Variants in KLHL14 observed in about 807,000 individuals in gnomAD.
KLHL14 encodes the protein kelch-like protein 14.
In KLHL14, 22 loss-of-function variants were observed where a neutral mutation model predicts 64.3. That is an observed-to-expected ratio of 0.34 (90% CI 0.24 to 0.49). The LOEUF is 0.49. Among genes scored for constraint, KLHL14 ranks in the 20% least tolerant of loss-of-function variants. The probability of loss-of-function intolerance (pLI) is 0.99; values close to 1 mark genes in which losing one functional copy is unlikely to be tolerated. For synonymous variants in KLHL14, 322 were observed against 333.4 expected (o/e 0.97, Z 0.37); for missense variants, 661 against 789.0 (o/e 0.84, Z 1.94).
At chr18:32,734,884 C>T (rs945653535) in intron 3 of KLHL14, among the ~76,000 whole-genome samples, 1 of 150,704 alleles carries the variant, frequency 6.6e-6, no homozygotes, top group African/African-American at 2.4e-5. Context: ...AGATGTTACT[C>T]TGTGTGTGTG....
At position 32,739,631 on chromosome 18, in the gene KLHL14, A is replaced by G. The variant is rs187145780; in HGVS notation, c.1069+2297T>C. ...CAAGATCTTTAAATATGTTCCCATTATAAGAACTTTGCACACACACACACA... is the reference window on the plus strand; with the variant it reads ...CAAGATCTTTAAATATGTTCCCATTGTAAGAACTTTGCACACACACACACA... On this transcript the variant is annotated intron_variant, in intron 3 of 8. Coordinates refer to ENST00000359358, the MANE Select transcript of KLHL14 (RefSeq NM_020805.3). Among the ~76,000 whole-genome samples the G allele has an allele frequency of 6.1e-3, 871 of 143,778 alleles. 7 individuals carry two copies. Among genetic ancestry groups the G allele is most frequent in the African/African-American group, 0.023 (828 of 36,408 alleles). 94.3% of individuals were successfully genotyped at this position (143,778 alleles called of 152,430 possible).
chr18:32,724,921 A>G (rs2050099957), intron 3 of KLHL14, among the ~76,000 whole-genome samples: 1 of 152,180 alleles, frequency 6.6e-6, no homozygotes, highest in African/African-American at 2.4e-5. Flanking sequence ...CCATGTTTGT[A>G]ATGTGTTTGA....
rs555189573 is a variant in KLHL14 at position 32,699,020 on chromosome 18, G to GT, written c.1070-3469dup. ...ACACAGGAAATAGATGTTAGCAATC[G>GT]TAACAAGCTGAATCTCTGCCACAAT... On this transcript the variant is annotated intron_variant, in intron 3 of 8. Coordinates refer to ENST00000359358, the MANE Select transcript of KLHL14 (RefSeq NM_020805.3). Among the ~76,000 whole-genome samples, 160 of 152,218 alleles carry GT rather than the reference G, an allele frequency of 1.1e-3. 1 individual carries two copies. In the Middle Eastern group the frequency reaches 0.024, roughly 23 times the overall value.
intron 3 of KLHL14, among the ~76,000 whole-genome samples, chr18:32,730,898 T>C (rs1420296199): frequency 2.0e-5 from 3 of 152,174 alleles, no homozygotes; most frequent in Non-Finnish European, 2.9e-5. Flanking sequence ...GATTAATAAT[T>C]AGAACACGCT....
At chr18:32,758,750 G>T (rs2050297130) in intron 2 of KLHL14, among the ~76,000 whole-genome samples, 1 of 152,106 alleles carries the variant, frequency 6.6e-6, no homozygotes, top group South Asian at 2.1e-4. Flanking sequence ...ATATTATTCA[G>T]CCATAAAAAT....
At chr18:32,725,815 G>A (rs1040285795) in intron 3 of KLHL14, among the ~76,000 whole-genome samples, 5 of 152,204 alleles carry the variant, frequency 3.3e-5, no homozygotes, top group Non-Finnish European at 7.3e-5. Flanking sequence ...TGTGATTTCT[G>A]GAGTTAGACT....
intron 7 of KLHL14, among the ~76,000 whole-genome samples, chr18:32,678,164 G>A (rs2049820411): frequency 6.6e-6 from 1 of 152,088 alleles, no homozygotes; most frequent in African/African-American, 2.4e-5. Context: ...TAAGTTCCTG[G>A]TCTCTACTGG....
At chr18:32,711,855 C>A (rs944407670) in intron 3 of KLHL14, among the ~76,000 whole-genome samples, 2 of 152,184 alleles carry the variant, frequency 1.3e-5, no homozygotes, top group Non-Finnish European at 2.9e-5. Context: ...ATAGCTGAAC[C>A]AAATCTTGTC....
chr18:32,750,663 C>T (rs553578840), intron 2 of KLHL14, among the ~76,000 whole-genome samples: 2 of 152,132 alleles, frequency 1.3e-5, no homozygotes, highest in African/African-American at 4.8e-5. Context: ...TTCAAGTCAC[C>T]GAATTTCATG....
intron 3 of KLHL14, among the ~76,000 whole-genome samples, chr18:32,720,978 A>C (rs187872672): frequency 7.2e-5 from 11 of 152,340 alleles, no homozygotes; most frequent in African/African-American, 2.6e-4. Flanking sequence ...ATGTATTTTA[A>C]GATCATCCTC....
At chr18:32,771,105 C>G (rs564126666) in intron 1 of KLHL14, 29 of 213,692 alleles carry the variant, frequency 1.4e-4, no homozygotes, top group Non-Finnish European at 2.1e-4. Context: ...GGCGAAGGTT[C>G]CAGGTCAACT....
chr18:32,693,577 A>G (rs74424278), intron 4 of KLHL14, among the ~76,000 whole-genome samples: 4,957 of 152,276 alleles, frequency 0.033, 268 homozygotes, highest in African/African-American at 0.11. Context: ...TCACATCGTT[A>G]GCATTAATAA....
chr18:32,761,310 A>G (rs1268772998), intron 2 of KLHL14, among the ~76,000 whole-genome samples: 1 of 151,156 alleles, frequency 6.6e-6, no homozygotes, highest in Non-Finnish European at 1.5e-5. Flanking sequence ...AAATGTATCT[A>G]TGCAGTAAAT....
In KLHL14 at chr18:32,686,177, ATT is replaced by A. The variant is rs148393455; in HGVS notation, c.1238+976_1238+977del. 8.6e-3 allele frequency among the ~76,000 whole-genome samples: 925 copies of A among 107,652 alleles called. 5 individuals carry two copies. Among genetic ancestry groups the A allele is most frequent in the Admixed American group, 0.027 (254 of 9,276 alleles). 70.6% of individuals were successfully genotyped at this position (107,652 alleles called of 152,430 possible). ...CAGGCGCTTGCCACTGTGCCCGGCTATTTTTTTTTTTTTTTTTTTTTTTTGTA... is the reference window on the plus strand; with the variant it reads ...CAGGCGCTTGCCACTGTGCCCGGCTATTTTTTTTTTTTTTTTTTTTTTGTA... On this transcript the variant is annotated intron_variant, in intron 5 of 8. Coordinates refer to ENST00000359358, the MANE Select transcript of KLHL14 (RefSeq NM_020805.3).
At chr18:32,730,017 G>C (rs1377179154) in intron 3 of KLHL14, among the ~76,000 whole-genome samples, 1 of 152,234 alleles carries the variant, frequency 6.6e-6, no homozygotes, top group Admixed American at 6.5e-5. Context: ...CTCACTTGTT[G>C]AATGGTCTAT....
In KLHL14 at chr18:32,770,914, A is replaced by C; in HGVS notation, c.-43-280T>G. 1 of 463,512 alleles carries C rather than the reference A, an allele frequency of 2.2e-6. No homozygotes were observed. Among genetic ancestry groups the C allele is most frequent in the East Asian group, 5.0e-5 (1 of 19,854 alleles). 28.7% of individuals were successfully genotyped at this position (463,512 alleles called of 1,614,324 possible). On this transcript the variant is annotated intron_variant, in intron 1 of 8. Transcript: ENST00000359358. The surrounding 1 kb of genome is among the most constrained non-coding windows in gnomAD (Gnocchi z 6.7). Reference sequence around the variant, plus strand: ...CCACCTCCCACACACTTCGTCCCTCACTTTCCTAAAACCAACCACCTCAGC... The same window carrying C: ...CCACCTCCCACACACTTCGTCCCTCCCTTTCCTAAAACCAACCACCTCAGC...
At chr18:32,742,095 A>G in intron 2 of KLHL14, 46 bp from the exon 3 acceptor site, 1 of 1,573,952 alleles carries the variant, frequency 6.4e-7, no homozygotes. Context: ...ATTACTGTAG[A>G]GTCTTTTTAG....
intron 3 of KLHL14, among the ~76,000 whole-genome samples, chr18:32,719,319 C>A (rs2144508234): frequency 6.6e-6 from 1 of 152,350 alleles, no homozygotes; most frequent in Non-Finnish European, 1.5e-5. Context: ...CTTAATAAAA[C>A]TGGCCATAGG....
intron 3 of KLHL14, among the ~76,000 whole-genome samples, chr18:32,720,413 GA>G (rs1568073776): frequency 1.3e-5 from 2 of 152,258 alleles, no homozygotes; most frequent in South Asian, 4.1e-4. Context: ...TCAGGTTGGA[GA>G]GATGAAGATG....
Sources: gnomAD v4.1 joint callset for allele counts (sites outside exome capture counted in the v4.1 genomes callset) on GRCh38, gnomAD v4.1.1 for gene constraint, Gnocchi (gnomAD v3.1) non-coding constraint, MANE v1.5 for transcripts, NCBI Gene and HGNC (gene_info 2026-07-23, HGNC 2026-07-21) for gene names.